Variants in COPA observed in about 807,000 individuals in gnomAD.
COPA encodes the protein coatomer subunit alpha.
Under a neutral mutation model 158.7 loss-of-function variants are expected in COPA, and 10 were observed. That is an observed-to-expected ratio of 0.06 (90% CI 0.04 to 0.11). COPA has a LOEUF of 0.11. Among genes scored for constraint, COPA ranks in the 10% least tolerant of loss-of-function variants. The probability of loss-of-function intolerance (pLI) is 1.00; values close to 1 mark genes in which losing one functional copy is unlikely to be tolerated. For missense variants in COPA, 1,065 were observed against 1,536.7 expected, an observed-to-expected ratio of 0.69 and a Z score of 5.13; for synonymous variants, 462 against 542.8, an observed-to-expected ratio of 0.85 and a Z score of 2.07.
intron 13 of COPA, among the ~76,000 whole-genome samples, chr1:160,308,177 G>A (rs1228277319): frequency 3.8e-5 from 2 of 52,536 alleles, no homozygotes; most frequent in African/African-American, 1.7e-4. Context: ...AACACAGATG[G>A]GGAAAAAAAA....
rs371100230 is a variant in COPA, at chr1:160,323,407, C to A, written c.706+24G>T. 3.9e-4 allele frequency: 609 copies of A among 1,567,796 alleles called. 3 individuals carry two copies. Among genetic ancestry groups the A allele is most frequent in the Admixed American group, 1.1e-4 (6 of 56,678 alleles). Reference sequence around the variant, plus strand: ...CTGGCTGGCAGTTTCTTAGATATGGCGATAATGTAACCGGTTCACTCACCA... The same window carrying A: ...CTGGCTGGCAGTTTCTTAGATATGGAGATAATGTAACCGGTTCACTCACCA... On this transcript the variant is annotated intron_variant, in intron 8 of 32. Coordinates refer to ENST00000241704, the MANE Select transcript of COPA (RefSeq NM_004371.4).
rs1445372702 is a variant in COPA at position 160,311,877 on chromosome 1, T to A, written c.1067A>T (p.Gln356Leu). The A allele has an allele frequency of 1.9e-6, 3 of 1,612,696 alleles. No homozygotes were observed. The highest frequency in any genetic ancestry group is 2.5e-6 in the Non-Finnish European group (3 of 1,179,024). The change falls in exon 11 of 33, where the codon CAG becomes CTG. Residue 356 changes from glutamine (Q) to leucine (L), a missense_variant. By Grantham distance (113) the Gln-to-Leu change is moderately radical (BLOSUM62 -2). Coordinates refer to ENST00000241704, the MANE Select transcript of COPA (RefSeq NM_004371.4). ...AACAAGTCCGATTTACCTCCGCAAC[T>A]GCATCACAGCTACATCTTTGGAGCT... ...FNSSKDVAVMQLRSGSKFPVF... is the reference protein window; with the variant it reads ...FNSSKDVAVMLLRSGSKFPVF...
intron 6 of COPA, among the ~76,000 whole-genome samples, chr1:160,327,214 G>A (rs940562196): frequency 6.6e-6 from 1 of 152,190 alleles, no homozygotes; most frequent in Non-Finnish European, 1.5e-5. Flanking sequence ...ACAGTTATGT[G>A]TAATGGAAAA....
chr1:160,330,253 T>C (rs1000774453), intron 6 of COPA, among the ~76,000 whole-genome samples: 3 of 152,106 alleles, frequency 2.0e-5, no homozygotes, highest in East Asian at 3.9e-4. Flanking sequence ...TGGAAAGCCA[T>C]AGCAAGGTTA....
intron 1 of COPA, among the ~76,000 whole-genome samples, chr1:160,340,808 A>T (rs926901902): frequency 1.3e-5 from 2 of 152,162 alleles, no homozygotes; most frequent in Admixed American, 6.5e-5. Context: ...TCAGTACTCA[A>T]ACAAAGACCT....
intron 3 of COPA, among the ~76,000 whole-genome samples, chr1:160,335,581 TA>T (rs1647717802): frequency 6.6e-6 from 1 of 152,072 alleles, no homozygotes; most frequent in Non-Finnish European, 1.5e-5. Flanking sequence ...AAGCTAAAGA[TA>T]AAATTATTGA....
intron 8 of COPA, among the ~76,000 whole-genome samples, chr1:160,318,492 C>CAAA (rs1184111001): frequency 1.7e-5 from 1 of 58,068 alleles, no homozygotes; most frequent in Non-Finnish European, 2.8e-5. Flanking sequence ...AAAAAAAAAA[C>CAAA]AAAAAAAAAA....
At chr1:160,294,373 G>C (rs1658333611) in intron 25 of COPA, 111 bp downstream of exon 25, 1 of 870,982 alleles carries the variant, frequency 1.1e-6, no homozygotes, top group African/African-American at 1.7e-5. Context: ...CCTTAGGATA[G>C]TGGTAGGGGA....
At chr1:160,341,382 G>A (rs1249729675) in intron 1 of COPA, among the ~76,000 whole-genome samples, 2 of 152,124 alleles carry the variant, frequency 1.3e-5, no homozygotes, top group African/African-American at 4.8e-5. Flanking sequence ...TTAACTACAA[G>A]GGACAAATGT....
At chr1:160,303,000 C>A (rs193169385) in intron 17 of COPA, among the ~76,000 whole-genome samples, 2 of 152,034 alleles carry the variant, frequency 1.3e-5, no homozygotes, top group Admixed American at 6.5e-5. Flanking sequence ...TGGTGAAACC[C>A]CATCTCTACT....
At chr1:160,316,916 A>G (rs1487465876) in intron 8 of COPA, among the ~76,000 whole-genome samples, 1 of 152,170 alleles carries the variant, frequency 6.6e-6, no homozygotes, top group Non-Finnish European at 1.5e-5. Context: ...CCCAAGTAAG[A>G]CTACCCTAAG....
rs776015670 is a variant in COPA at position 160,296,020 on chromosome 1, T to G, written c.2352+41A>C. 2 of 1,598,122 alleles carry G rather than the reference T, an allele frequency of 1.3e-6. 1 individual carries two copies. The highest frequency in any genetic ancestry group is 2.2e-5 in the South Asian group (2 of 90,692). ...TTAAATTGTTCTAAGATCCTAGAGT[T>G]AATCCTGTAATAAGAGACAATTATG... is the stretch of plus-strand genomic sequence containing the variant. On this transcript the variant is annotated intron_variant, in intron 22 of 32. Transcript: ENST00000241704.
chr1:160,320,195 A>G (rs868163857), intron 8 of COPA, among the ~76,000 whole-genome samples: 1 of 152,218 alleles, frequency 6.6e-6, no homozygotes, highest in Admixed American at 6.5e-5. Context: ...GAAAGGAAAC[A>G]TAACAACTGA....
chr1:160,305,109 A>G (rs1188044251), intron 17 of COPA: 1 of 196,172 alleles, frequency 5.1e-6, no homozygotes, highest in African/African-American at 2.3e-5. Context: ...TGGTGGAAAC[A>G]GGGAGGGTTG....
At chr1:160,309,010 T>C in intron 13 of COPA, 91 bp downstream of exon 13, 1 of 1,018,520 alleles carries the variant, frequency 9.8e-7, no homozygotes, top group Non-Finnish European at 1.5e-6. Flanking sequence ...TGGCCATGGC[T>C]TGGGGATGGA....
At chr1:160,325,504 G>A (rs1357561844) in intron 7 of COPA, 39 bp downstream of exon 7, 22 of 1,506,258 alleles carry the variant, frequency 1.5e-5, no homozygotes, top group Non-Finnish European at 1.9e-5. Context: ...TTCCCAAGAT[G>A]ACAGCCCATA....
intron 13 of COPA, among the ~76,000 whole-genome samples, chr1:160,307,927 G>A (rs981816018): frequency 3.3e-5 from 5 of 152,182 alleles, no homozygotes; most frequent in African/African-American, 1.2e-4. Flanking sequence ...CAGAAAACTG[G>A]AGAGAACATG....
chr1:160,296,829 T>C (rs1658434776), intron 21 of COPA, among the ~76,000 whole-genome samples: 3 of 152,220 alleles, frequency 2.0e-5, no homozygotes, highest in African/African-American at 7.2e-5. Flanking sequence ...CAATAAATCA[T>C]GTTGTTTCTA....
chr1:160,292,251 C>T (rs1658264560), intron 28 of COPA, 53 bp from the exon 29 acceptor site: 1 of 1,578,840 alleles, frequency 6.3e-7, no homozygotes, highest in Non-Finnish European at 8.6e-7. Context: ...CAACTAGGAC[C>T]CAATTTCCTT....
Sources: gnomAD v4.1 joint callset for allele counts (sites outside exome capture counted in the v4.1 genomes callset) on GRCh38, gnomAD v4.1.1 for gene constraint, MANE v1.5 for transcripts, NCBI Gene and HGNC (gene_info 2026-07-23, HGNC 2026-07-21) for gene names.